THOC7: variants seen among roughly 807,000 people sequenced by gnomAD.
THOC7 encodes the protein NIF3L1-binding protein 1.
In THOC7, 22 loss-of-function variants were observed where a neutral mutation model predicts 33.1. The ratio of observed to expected loss-of-function variants is 0.66; its 90% CI spans 0.47 to 0.95. THOC7 has a LOEUF of 0.95. Among genes scored for constraint, THOC7 ranks in the 40% least tolerant of loss-of-function variants. THOC7 has a pLI of 0.00. For missense variants in THOC7, 184 were observed against 245.3 expected, an observed-to-expected ratio of 0.75 and a Z score of 1.67; for synonymous variants, 77 against 76.8, an observed-to-expected ratio of 1.00 and a Z score of -0.01.
chr3:63,848,945 CTATT>C (rs1701964856), intron 1 of THOC7, among the ~76,000 whole-genome samples: 1 of 152,164 alleles, frequency 6.6e-6, no homozygotes, highest in South Asian at 2.1e-4. Context: ...AATTTGGAAA[CTATT>C]TGTTAGTACT....
intron 1 of THOC7, among the ~76,000 whole-genome samples, chr3:63,852,101 C>T (rs1462618706): frequency 6.6e-6 from 1 of 152,174 alleles, no homozygotes; most frequent in East Asian, 1.9e-4. Context: ...TGACTTACTA[C>T]TTGGGAAGAT....
rs765257484 is a variant in THOC7, at chr3:63,839,677, T to C, written c.116A>G (p.Asn39Ser). 1.9e-6 allele frequency: 3 copies of C among 1,611,952 alleles called. No individual in the cohort carries two copies. The African/African-American group carries it at 4.0e-5, about 22-fold the overall frequency. Residue 39 changes from asparagine (N) to serine (S), a missense_variant, in exon 2 of 8, where the codon AAC (asparagine) becomes AGC (serine). Physicochemically the swap from Asn to Ser is conservative, Grantham distance 46. This residue lies in a region of THOC7 where 157 missense variants were observed against 201.3 expected (regional missense o/e 0.78). Coordinates refer to ENST00000295899, the MANE Select transcript of THOC7 (RefSeq NM_025075.4). ...ATACCCCTCTTCCTGGGACCCAGAG[T>C]TGCACCATTTAATGAAACTCTTCAC... is the stretch of plus-strand genomic sequence containing the variant. Reference protein sequence around the residue: ...LLVKSFIKWCNSGSQEEGYSQ... With the variant: ...LLVKSFIKWCSSGSQEEGYSQ...
chr3:63,839,865 A>T (rs1701722474), intron 1 of THOC7, 92 bp from the exon 2 acceptor site: 3 of 1,012,780 alleles, frequency 3.0e-6, no homozygotes, highest in Non-Finnish European at 4.5e-6. Flanking sequence ...TATTCAAAAG[A>T]AAATTATTGA....
intron 1 of THOC7, among the ~76,000 whole-genome samples, chr3:63,858,959 G>T (rs1460746589): frequency 6.6e-6 from 1 of 152,214 alleles, no homozygotes; most frequent in Non-Finnish European, 1.5e-5. Context: ...AGTCCAACTG[G>T]ATACGCAGAC....
At chr3:63,863,691 A>C in intron 1 of THOC7, 81 bp downstream of exon 1, 1 of 1,239,114 alleles carries the variant, frequency 8.1e-7, no homozygotes, top group African/African-American at 1.6e-5. Flanking sequence ...GGTTCCCGGA[A>C]GCGGGCCGGG....
intron 1 of THOC7, chr3:63,861,416 A>G (rs569281012): frequency 6.6e-6 from 1 of 152,318 alleles, no homozygotes; most frequent in East Asian, 1.9e-4. Context: ...CATCCATTCA[A>G]TACCTGAAGT....
At chr3:63,850,572 CTT>C (rs1701998387) in intron 1 of THOC7, among the ~76,000 whole-genome samples, 1 of 139,264 alleles carries the variant, frequency 7.2e-6, no homozygotes, top group South Asian at 2.3e-4. Context: ...TGCAATTTAT[CTT>C]TCTTTCTTTC....
chr3:63,857,558 T>G (rs755344414), intron 1 of THOC7, among the ~76,000 whole-genome samples: 88 of 152,340 alleles, frequency 5.8e-4, no homozygotes, highest in South Asian at 1.4e-3. Flanking sequence ...ACATTCCTTA[T>G]GGTAAAATAA....
chr3:63,863,782 G>C lies in THOC7; in HGVS notation c.9C>G (p.Ala3=), dbSNP rs758671467. The change falls in exon 1 of 8, where the codon GCC becomes GCG. Residue 3 remains alanine, a synonymous_variant. Transcript: ENST00000295899. MG[A]VTDDEVIRKR... is the part of the protein sequence containing the mutation. Reference sequence around the variant, plus strand: ...CGAGCGGGGCCTCACCGTCAGTCACGGCTCCCATGGCGTGCGCGGCGGCGG... The same window carrying C: ...CGAGCGGGGCCTCACCGTCAGTCACCGCTCCCATGGCGTGCGCGGCGGCGG... 6.2e-5 allele frequency: 78 copies of C among 1,251,730 alleles called. No homozygotes were observed. The Middle Eastern group carries it at 9.2e-4, about 15-fold the overall frequency. The allele number at this position is 1,251,730 out of a possible 1,614,324, so 77.5% of individuals were successfully genotyped here. A position where few individuals can be genotyped will look rare whatever the true frequency, so the allele number is the denominator to read the frequency against.
At chr3:63,860,347 C>T (rs1702185732) in intron 1 of THOC7, among the ~76,000 whole-genome samples, 2 of 152,168 alleles carry the variant, frequency 1.3e-5, no homozygotes, top group African/African-American at 2.4e-5. Flanking sequence ...CCACACCCAG[C>T]CTCTACTGGC....
chr3:63,851,555 C>T (rs1272563102), intron 1 of THOC7, among the ~76,000 whole-genome samples: 1 of 152,192 alleles, frequency 6.6e-6, no homozygotes, highest in Non-Finnish European at 1.5e-5. Flanking sequence ...CAGCTAATTT[C>T]CCAAAGAGGC....
intron 2 of THOC7, among the ~76,000 whole-genome samples, chr3:63,839,134 G>A (rs1701700200): frequency 1.3e-5 from 2 of 152,040 alleles, no homozygotes; most frequent in Non-Finnish European, 2.9e-5. Flanking sequence ...AGGTTGCAGT[G>A]AGCCAAGATT....
Position 63,850,407 on chromosome 3 carries a change from G to A in THOC7, c.20-10634C>T, listed in dbSNP as rs539343239. On this transcript the variant is annotated intron_variant, in intron 1 of 7. Transcript: ENST00000295899. ...GGAGAGTCAGGGTTTCACCATTTTG[G>A]CCAGGCTGGTCTCAAACTCCTGACC... Among the ~76,000 whole-genome samples the A allele has an allele frequency of 7.3e-5, 11 of 150,622 alleles. No homozygotes were observed. The East Asian group carries it at 2.0e-3, about 27-fold the overall frequency.
rs1701675148 is a variant in THOC7 at position 63,838,270 on chromosome 3, ATTG to A, written c.265+99_265+101del. On this transcript the variant is annotated intron_variant, in intron 3 of 7. Transcript: ENST00000295899. ...CTGTATTCTTTCCATTAATACAGTA[ATTG>A]TTATTATTCTTTTACCACCAAAGAA... 4.1e-6 allele frequency: 4 copies of A among 970,060 alleles called. No homozygotes were observed. In the South Asian group the frequency reaches 5.5e-5, roughly 13 times the overall value. 60.1% of individuals were successfully genotyped at this position (970,060 alleles called of 1,614,324 possible).
chr3:63,835,248 T>C, intron 6 of THOC7, 25 bp from the exon 7 acceptor site: 1 of 1,613,276 alleles, frequency 6.2e-7, no homozygotes, highest in African/African-American at 1.3e-5. Context: ...AAAAAATTTA[T>C]ACAAATGACC....
At chr3:63,837,896 T>TA in intron 4 of THOC7, 80 bp downstream of exon 4, 1 of 1,300,452 alleles carries the variant, frequency 7.7e-7, no homozygotes, top group Non-Finnish European at 1.1e-6. Context: ...CTGCAGATTT[T>TA]ACCTCACAAC....
At chr3:63,852,479 C>T (rs1260002289) in intron 1 of THOC7, among the ~76,000 whole-genome samples, 1 of 152,186 alleles carries the variant, frequency 6.6e-6, no homozygotes, top group African/African-American at 2.4e-5. Flanking sequence ...AAGCTGAAGT[C>T]CTTTCCTTCT....
At chr3:63,843,823 C>T (rs1303036090) in intron 1 of THOC7, among the ~76,000 whole-genome samples, 1 of 152,028 alleles carries the variant, frequency 6.6e-6, no homozygotes, top group Non-Finnish European at 1.5e-5. Context: ...ATGGCGTGAA[C>T]CCGGGAGGCG....
intron 1 of THOC7, 41 bp downstream of exon 1, chr3:63,863,731 G>A: frequency 1.6e-6 from 2 of 1,249,342 alleles, no homozygotes; most frequent in Non-Finnish European, 1.0e-6. Context: ...AGGCCCAGCG[G>A]GCCGTGCAGC....
Sources: gnomAD v4.1 joint callset for allele counts (sites outside exome capture counted in the v4.1 genomes callset) on GRCh38, gnomAD v4.1.1 for gene constraint, gnomAD v4.1.1 regional missense constraint, MANE v1.5 for transcripts, NCBI Gene and HGNC (gene_info 2026-07-23, HGNC 2026-07-21) for gene names.